The following SBNO2 variants were observed in gnomAD, a reference collection of about 807,000 sequenced individuals.
SBNO2 encodes strawberry notch homolog 2.
SBNO2 carries 89 observed loss-of-function variants against 146.3 expected under a neutral mutation model. The observed-to-expected ratio is 0.61, with a 90% CI of 0.51 to 0.73. The LOEUF is 0.73. Among genes scored for constraint, SBNO2 ranks in the 30% least tolerant of loss-of-function variants. The pLI is 0.00. For missense variants in SBNO2, 2,092 were observed against 2,003.7 expected, an observed-to-expected ratio of 1.04 and a Z score of -0.84; for synonymous variants, 1,147 against 892.6, an observed-to-expected ratio of 1.29 and a Z score of -5.08.
Position 1,158,241 on chromosome 19 carries a change from C to T in SBNO2, c.-126-3839G>A, listed in dbSNP as rs1023366033. ...GCACCTGTCGTGTGGAGCCCCTTCG[C>T]GCGCTCCGCCCTCAGACCCGAGCCG... On this transcript the variant is annotated intron_variant, in intron 1 of 31. Transcript: ENST00000361757. This position sits in a 1 kb window ranked among gnomAD's most constrained non-coding sequence, Gnocchi z 9.9. Among the ~76,000 whole-genome samples the T allele has an allele frequency of 1.3e-5, 2 of 152,240 alleles. No homozygotes were observed. Among genetic ancestry groups the T allele is most frequent in the East Asian group, 1.9e-4 (1 of 5,202 alleles).
At position 1,108,252 on chromosome 19, in the gene SBNO2, G is replaced by A. The variant is rs1377602214; in HGVS notation, c.4069C>T (p.Pro1357Ser). 1.4e-5 allele frequency: 21 copies of A among 1,526,328 alleles called. No individual in the cohort carries two copies. The Admixed American group carries it at 3.2e-4, about 23-fold the overall frequency. 94.5% of individuals were successfully genotyped at this position (1,526,328 alleles called of 1,614,324 possible). Residue 1357 changes from proline to serine, a missense_variant, in exon 32 of 32, where the codon CCA becomes TCA. Transcript: ENST00000361757. Reference sequence around the variant, plus strand: ...GGAGCCTGGGCGCCGGGGAAGGGTGGGCTGAACTGGATCACGCTCTGCCGC... The same window carrying A: ...GGAGCCTGGGCGCCGGGGAAGGGTGAGCTGAACTGGATCACGCTCTGCCGC... ...PERQSVIQFS[P>S]PFPGAQAPL
chr19:1,152,659 C>T (rs2080253649), intron 2 of SBNO2, among the ~76,000 whole-genome samples: 1 of 152,204 alleles, frequency 6.6e-6, no homozygotes, highest in Non-Finnish European at 1.5e-5. Context: ...CTGGCCCCAG[C>T]TCAGAGCCCC....
At chr19:1,149,335 C>G in intron 3 of SBNO2, 34 bp downstream of exon 3, 1 of 1,539,512 alleles carries the variant, frequency 6.5e-7, no homozygotes, top group East Asian at 2.4e-5. Flanking sequence ...ATGAGCAAGC[C>G]TGGGGGCCAG....
rs1294165373 is a variant in SBNO2, at chr19:1,158,929, G to A, written c.-126-4527C>T. Among the ~76,000 whole-genome samples the A allele has an allele frequency of 6.7e-6, 1 of 148,810 alleles. No individual in the cohort carries two copies. The highest frequency in any genetic ancestry group is 2.5e-5 in the African/African-American group (1 of 39,888). ...CCCACCTGCAGCCGTGACCCCACCTGCAGCCGCGACCCCACCTGCAGCCGT... is the reference window on the plus strand; with the variant it reads ...CCCACCTGCAGCCGTGACCCCACCTACAGCCGCGACCCCACCTGCAGCCGT... On this transcript the variant is annotated intron_variant, in intron 1 of 31. Coordinates refer to ENST00000361757, the MANE Select transcript of SBNO2 (RefSeq NM_014963.3). This position sits in a 1 kb window ranked among gnomAD's most constrained non-coding sequence, Gnocchi z 9.9.
chr19:1,144,401 T>C lies in SBNO2; in HGVS notation c.279+2908A>G, dbSNP rs1279051938. ...GAGCATGAGGCGGCTGTAGGCAGGG[T>C]GGGCAGGGAGCCGGGCGGGCGGTGC... On this transcript the variant is annotated intron_variant, in intron 4 of 31. Coordinates refer to ENST00000361757, the MANE Select transcript of SBNO2 (RefSeq NM_014963.3). This position sits in a 1 kb window ranked among gnomAD's most constrained non-coding sequence, Gnocchi z 4.1. 6.6e-6 allele frequency among the ~76,000 whole-genome samples: 1 copy of C among 151,892 alleles called. No homozygotes were observed. Among genetic ancestry groups the C allele is most frequent in the East Asian group, 1.9e-4 (1 of 5,176 alleles).
rs1014636452 is a variant in SBNO2, at chr19:1,132,911, A to ACGTT, written c.280-5150_280-5147dup. On this transcript the variant is annotated intron_variant, in intron 4 of 31. Transcript: ENST00000361757. Reference sequence around the variant, plus strand: ...CAAGTGGTAGCGTCCTGGGAAAAGAACGTTCTCGCTTTGGTAGAAAACCAA... The same window carrying ACGTT: ...CAAGTGGTAGCGTCCTGGGAAAAGAACGTTCGTTCTCGCTTTGGTAGAAAACCAA... 8.2e-4 allele frequency among the ~76,000 whole-genome samples: 125 copies of ACGTT among 152,240 alleles called. 3 individuals carry two copies. The highest frequency in any genetic ancestry group is 5.3e-4 in the Non-Finnish European group (36 of 68,032).
In SBNO2 at chr19:1,108,576, G is replaced by C; in HGVS notation, c.3745C>G (p.Leu1249Val). The C allele has an allele frequency of 7.9e-7, 1 of 1,259,752 alleles. No homozygotes were observed. The highest frequency in any genetic ancestry group is 1.0e-6 in the Non-Finnish European group (1 of 1,004,754). The allele number at this position is 1,259,752 out of a possible 1,614,324, so 78.0% of individuals were successfully genotyped here. A position where few individuals can be genotyped will look rare whatever the true frequency, so the allele number is the denominator to read the frequency against. Residue 1249 changes from leucine to valine, a missense_variant, in exon 32 of 32, where the codon CTG becomes GTG. Leu to Val is a conservative substitution (Grantham distance 32). Transcript: ENST00000361757. The part of the protein sequence containing the change: ...PAPPAPRPLA[L>V]PCGPGEVLDL... ...AGCACCTCTCCGGGGCCGCAAGGCA[G>C]CGCCAGCGGGCGCGGGGCGGGCGGG...
Position 1,110,611 on chromosome 19 carries a change from G to A in SBNO2, c.3028+134C>T. 9.2e-7 allele frequency: 1 copy of A among 1,084,072 alleles called. No homozygotes were observed. The highest frequency in any genetic ancestry group is 1.3e-6 in the Non-Finnish European group (1 of 798,238). 67.2% of individuals were successfully genotyped at this position (1,084,072 alleles called of 1,614,324 possible). A position where few individuals can be genotyped will look rare whatever the true frequency, so the allele number is the denominator to read the frequency against. On this transcript the variant is annotated intron_variant, in intron 26 of 31. Transcript: ENST00000361757. This position sits in a 1 kb window ranked among gnomAD's most constrained non-coding sequence, Gnocchi z 4.9. ...GCCCCTCGCCCACCCGGGATGCACG[G>A]TGTTCCCACGAGCCCCTCGCCCACC...
At chr19:1,159,232 T>C (rs570957804) in intron 1 of SBNO2, among the ~76,000 whole-genome samples, 256 of 151,744 alleles carry the variant, frequency 1.7e-3, no homozygotes, top group African/African-American at 5.9e-3. Flanking sequence ...GCTCAGCTAA[T>C]ATGGGGCAGA....
chr19:1,122,070 C>A, intron 11 of SBNO2, 69 bp downstream of exon 11: 1 of 1,095,414 alleles, frequency 9.1e-7, no homozygotes, highest in Non-Finnish European at 1.2e-6. Flanking sequence ...CTCTCCCACT[C>A]CTCCATCCTC....
chr19:1,114,915 G>A (rs2079813396), intron 17 of SBNO2, among the ~76,000 whole-genome samples: 1 of 150,982 alleles, frequency 6.6e-6, no homozygotes, highest in Non-Finnish European at 1.5e-5. Context: ...TTATAGGCGT[G>A]AACCACCACG....
chr19:1,118,684 C>T (rs1193590989), intron 14 of SBNO2, among the ~76,000 whole-genome samples: 1 of 152,206 alleles, frequency 6.6e-6, no homozygotes, highest in Non-Finnish European at 1.5e-5. Flanking sequence ...ACCTGGCCAA[C>T]ATGGAGAAAC....
chr19:1,124,214 T>C, intron 5 of SBNO2, 192 bp from the exon 6 acceptor site: 1 of 624,226 alleles, frequency 1.6e-6, no homozygotes, highest in Admixed American at 3.0e-5. Context: ...GCCTCCCCAG[T>C]GGGCACCTCC....
chr19:1,159,205 G>T (rs976004682), intron 1 of SBNO2, among the ~76,000 whole-genome samples: 1 of 152,094 alleles, frequency 6.6e-6, no homozygotes, highest in Non-Finnish European at 1.5e-5. Context: ...GGGGGCGGGG[G>T]CTGGCGATTT....
chr19:1,132,147 C>A, intron 4 of SBNO2: 1 of 1,490,160 alleles, frequency 6.7e-7, no homozygotes, highest in Non-Finnish European at 8.9e-7. Context: ...TCCCGGCGCT[C>A]GGGGGGCCAG....
At chr19:1,138,907 C>T (rs1449035086) in intron 4 of SBNO2, among the ~76,000 whole-genome samples, 2 of 150,330 alleles carry the variant, frequency 1.3e-5, no homozygotes, top group African/African-American at 4.9e-5. Flanking sequence ...GGGTCCTCCA[C>T]GCGTCCATCA....
Position 1,119,152 on chromosome 19 carries a change from G to A in SBNO2, c.1386C>T (p.Ala462=). 1.3e-6 allele frequency: 2 copies of A among 1,599,936 alleles called. No homozygotes were observed. Among genetic ancestry groups the A allele is most frequent in the Non-Finnish European group, 1.7e-6 (2 of 1,175,438 alleles). Residue 462 remains alanine (A), a synonymous_variant, in exon 14 of 32, where the codon GCC becomes GCT. Coordinates refer to ENST00000361757, the MANE Select transcript of SBNO2 (RefSeq NM_014963.3). ...LHAIEKRGVG[A]MEIVAMDMKV... ...TCATGTCCATGGCCACGATCTCCAT[G>A]GCGCCAACGCCCCTGCGGATGGACA...
chr19:1,151,374 C>G (rs1302100989), intron 2 of SBNO2, among the ~76,000 whole-genome samples: 2 of 152,214 alleles, frequency 1.3e-5, no homozygotes, highest in African/African-American at 2.4e-5. Context: ...CACCTGTACC[C>G]AGGCCAGGCT....
chr19:1,124,112 C>A (rs770420541), intron 5 of SBNO2, 90 bp from the exon 6 acceptor site: 2 of 1,236,184 alleles, frequency 1.6e-6, no homozygotes, highest in African/African-American at 1.5e-5. Flanking sequence ...GGGAGGCTCC[C>A]CACTGCCCCG....
Sources: gnomAD v4.1 joint callset for allele counts (sites outside exome capture counted in the v4.1 genomes callset) on GRCh38, gnomAD v4.1.1 for gene constraint, Gnocchi (gnomAD v3.1) non-coding constraint, MANE v1.5 for transcripts, NCBI Gene and HGNC (gene_info 2026-07-23, HGNC 2026-07-21) for gene names.